The following RNF19B variants were observed in gnomAD, a reference collection of about 807,000 sequenced individuals.
The protein encoded by RNF19B is ring finger protein 19B.
Under a neutral mutation model 65.5 loss-of-function variants are expected in RNF19B, and 23 were observed. The observed-to-expected ratio is 0.35, with a 90% confidence interval of 0.25 to 0.50. The LOEUF (loss-of-function observed/expected upper bound fraction) is 0.50. Ranked by LOEUF, RNF19B falls within the 20% of genes least tolerant of loss-of-function variation. The probability of loss-of-function intolerance (pLI) is 0.98; values close to 1 mark genes in which losing one functional copy is unlikely to be tolerated. For synonymous variants in RNF19B, 372 were observed against 379.6 expected, an observed-to-expected ratio of 0.98 and a Z score of 0.23; for missense variants, 794 against 980.0, an observed-to-expected ratio of 0.81 and a Z score of 2.53.
At position 32,964,044 on chromosome 1, in the gene RNF19B, C is replaced by T; in HGVS notation, c.635+7G>A. 2.7e-6 allele frequency: 4 copies of T among 1,474,452 alleles called. No individual in the cohort carries two copies. Among genetic ancestry groups the T allele is most frequent in the Non-Finnish European group, 3.6e-6 (4 of 1,114,390 alleles). The allele number at this position is 1,474,452 out of a possible 1,614,324, so 91.3% of individuals were successfully genotyped here. On this transcript the variant is annotated splice_region_variant and intron_variant, in intron 1 of 8. Transcript: ENST00000235150. The surrounding 1 kb of genome is among the most constrained non-coding windows in gnomAD (Gnocchi z 6.5). ...CGCCGCCACCCGCGCCACGCCCCCGCGCTCACCCGCAGTCCGGGGCCGGGC... is the reference window on the plus strand; with the variant it reads ...CGCCGCCACCCGCGCCACGCCCCCGTGCTCACCCGCAGTCCGGGGCCGGGC...
rs1642866445 is a variant in RNF19B at position 32,964,682 on chromosome 1, C to A, written c.4G>T (p.Gly2Cys). The A allele has an allele frequency of 1.4e-6, 2 of 1,464,270 alleles. No individual in the cohort carries two copies. The highest frequency in any genetic ancestry group is 2.4e-4 in the Middle Eastern group (1 of 4,232). 90.7% of individuals were successfully genotyped at this position (1,464,270 alleles called of 1,614,324 possible). Residue 2 changes from glycine to cysteine, a missense_variant, in exon 1 of 9, where the codon GGC becomes TGC. Gly to Cys is a radical substitution (Grantham distance 159, BLOSUM62 -3). Coordinates refer to ENST00000235150, the MANE Select transcript of RNF19B (RefSeq NM_001300826.2). The surrounding 1 kb of genome is among the most constrained non-coding windows in gnomAD (Gnocchi z 6.5). Reference sequence around the variant, plus strand: ...GGCGACTCGGAGTCCTTCTCGGAGCCCATGGCCGGCAGAGGCCGAGGAGCC... The same window carrying A: ...GGCGACTCGGAGTCCTTCTCGGAGCACATGGCCGGCAGAGGCCGAGGAGCC... MGSEKDSESPRS... is the reference protein window; with the variant it reads MCSEKDSESPRS...
chr1:32,955,953 G>C (rs1160126927), intron 1 of RNF19B, among the ~76,000 whole-genome samples: 2 of 152,118 alleles, frequency 1.3e-5, no homozygotes, highest in African/African-American at 2.4e-5. Context: ...GACACAGCTG[G>C]GTGCAGTGGC....
At chr1:32,954,286 T>C (rs1465925806) in intron 1 of RNF19B, among the ~76,000 whole-genome samples, 1 of 151,686 alleles carries the variant, frequency 6.6e-6, no homozygotes, top group East Asian at 1.9e-4. Flanking sequence ...TGTAATTTGG[T>C]GCCAAGGAAG....
chr1:32,949,036 G>A (rs1642429472), intron 2 of RNF19B, among the ~76,000 whole-genome samples: 2 of 152,174 alleles, frequency 1.3e-5, no homozygotes, highest in African/African-American at 4.8e-5. Context: ...AAAGTACAAA[G>A]CAATAAATCC....
Position 32,937,128 on chromosome 1 carries a change from C to A in RNF19B, c.1874G>T (p.Ser625Ile). Residue 625 changes from serine to isoleucine, a missense_variant, in exon 9 of 9, where the codon AGT (serine) becomes ATT (isoleucine). Physicochemically the swap from Ser to Ile is moderately radical, Grantham distance 142. Around this residue, in one of 3 missense-constraint regions of RNF19B, gnomAD observed 368 missense variants for 447.3 expected, o/e 0.82. Transcript: ENST00000235150. ...AQMAENEEEG[S>I]GGGGSEEDPP... is the part of the protein sequence containing the mutation. ...ATCCTCTTCACTGCCTCCGCCACCA[C>A]TACCTTCTTCTTCATTCTCTGCCAT... The A allele has an allele frequency of 1.9e-6, 3 of 1,614,224 alleles. No individual in the cohort carries two copies. Among genetic ancestry groups the A allele is most frequent in the Non-Finnish European group, 2.5e-6 (3 of 1,180,046 alleles).
At chr1:32,939,353 A>C (rs1200343836) in intron 7 of RNF19B, among the ~76,000 whole-genome samples, 1 of 152,118 alleles carries the variant, frequency 6.6e-6, no homozygotes, top group Non-Finnish European at 1.5e-5. Flanking sequence ...ACACCCAGCT[A>C]ATTTTTGTAT....
intron 1 of RNF19B, among the ~76,000 whole-genome samples, chr1:32,952,686 G>A (rs977063841): frequency 7.9e-5 from 12 of 151,474 alleles, no homozygotes; most frequent in Non-Finnish European, 1.3e-4. Context: ...AGGTTGCAGT[G>A]AGCAGAGATT....
At chr1:32,935,019 AC>A (rs1448314759), downstream of RNF19B, among the ~76,000 whole-genome samples, 1 of 151,440 alleles carries the variant, frequency 6.6e-6, no homozygotes, top group East Asian at 2.0e-4. Context: ...TTTAGTAGAG[AC>A]GGGGTTTCAC....
Position 32,946,201 on chromosome 1 carries a change from A to C in RNF19B, c.1146+201T>G, listed in dbSNP as rs141531818. Among the ~76,000 whole-genome samples the C allele has an allele frequency of 3.9e-5, 6 of 152,306 alleles. No homozygotes were observed. In the South Asian group the frequency reaches 1.2e-3, roughly 32 times the overall value. ...ATTCTACCTTTAAGTCACTGAGACAAGCCAGGCCCAGGATGTTAATAAGAA... is the reference window on the plus strand; with the variant it reads ...ATTCTACCTTTAAGTCACTGAGACACGCCAGGCCCAGGATGTTAATAAGAA... On this transcript the variant is annotated intron_variant, in intron 4 of 8. Coordinates refer to ENST00000235150, the MANE Select transcript of RNF19B (RefSeq NM_001300826.2).
intron 7 of RNF19B, 29 bp downstream of exon 7, chr1:32,942,223 T>C (rs775650669): frequency 1.3e-6 from 2 of 1,567,470 alleles, no homozygotes; most frequent in Non-Finnish European, 1.8e-6. Flanking sequence ...ATTCTAACCA[T>C]TTCTGTCAGA....
At chr1:32,952,354 G>A (rs898611629) in intron 1 of RNF19B, among the ~76,000 whole-genome samples, 2 of 149,692 alleles carry the variant, frequency 1.3e-5, no homozygotes, top group African/African-American at 2.5e-5. Flanking sequence ...AGCACTTTGG[G>A]AGGCTGAGGC....
At chr1:32,961,717 T>C (rs1642774501) in intron 1 of RNF19B, among the ~76,000 whole-genome samples, 1 of 152,104 alleles carries the variant, frequency 6.6e-6, no homozygotes, top group African/African-American at 2.4e-5. Context: ...TGGAGGATAC[T>C]AACATAATAC....
chr1:32,934,692 A>T (rs1228626914), downstream of RNF19B, among the ~76,000 whole-genome samples: 1 of 152,066 alleles, frequency 6.6e-6, no homozygotes, highest in Non-Finnish European at 1.5e-5. Flanking sequence ...AAATACATAA[A>T]TAAGATCTGA....
At chr1:32,933,347 C>T (rs1324567074), downstream of RNF19B, among the ~76,000 whole-genome samples, 3 of 152,052 alleles carry the variant, frequency 2.0e-5, no homozygotes, top group Non-Finnish European at 1.5e-5. Context: ...CTTTGCCTCC[C>T]GGGTTCACGC....
Position 32,937,102 on chromosome 1 carries a change from G to C in RNF19B, c.1900C>G (p.Pro634Ala), listed in dbSNP as rs370533666. The C allele has an allele frequency of 1.2e-6, 2 of 1,614,170 alleles. No individual in the cohort carries two copies. Reference sequence around the variant, plus strand: ...TCACAGCTTTGGTGTCTGCAGGGGGGATCCTCTTCACTGCCTCCGCCACCA... The same window carrying C: ...TCACAGCTTTGGTGTCTGCAGGGGGCATCCTCTTCACTGCCTCCGCCACCA... Reference protein sequence around the residue: ...GSGGGGSEEDPPCRHQSCEQK... With the variant: ...GSGGGGSEEDAPCRHQSCEQK... Residue 634 changes from proline (P) to alanine (A), a missense_variant, in exon 9 of 9, where the codon CCC becomes GCC. Around this residue, in one of 3 missense-constraint regions of RNF19B, gnomAD observed 368 missense variants for 447.3 expected, o/e 0.82. Coordinates refer to ENST00000235150, the MANE Select transcript of RNF19B (RefSeq NM_001300826.2).
At chr1:32,930,677 G>T in the RNF19B span, among the ~76,000 whole-genome samples, 2 of 152,090 alleles carry the variant, frequency 1.3e-5, no homozygotes, top group Non-Finnish European at 2.9e-5. Flanking sequence ...CAGAGTGCTG[G>T]GATTACAAGC....
At chr1:32,962,318 G>C (rs370053754) in intron 1 of RNF19B, among the ~76,000 whole-genome samples, 4 of 152,096 alleles carry the variant, frequency 2.6e-5, no homozygotes, top group African/African-American at 9.7e-5. Context: ...AACAGTATCT[G>C]TAAAACTTTA....
At chr1:32,947,607 C>A (rs977932078) in intron 3 of RNF19B, among the ~76,000 whole-genome samples, 1 of 149,454 alleles carries the variant, frequency 6.7e-6, no homozygotes, top group Non-Finnish European at 1.5e-5. Context: ...TGCAGTGAGT[C>A]GAGATCGAGC....
chr1:32,936,879 G>T lies in RNF19B; in HGVS notation c.2123C>A (p.Ala708Asp), dbSNP rs1190763546. The stretch of plus-strand genomic sequence containing the variant: ...GGCTAGGGCAGAGAGGTTCATATGG[G>T]CACTTGGGCTCGGTGCACCTTGGGC... The part of the protein sequence containing the change: ...PRAQGAPSPS[A>D]HMNLSALAEG... The change falls in exon 9 of 9, where the codon GCC becomes GAC. Residue 708 changes from alanine to aspartate, a missense_variant. This residue lies in a region of RNF19B where 368 missense variants were observed against 447.3 expected (regional missense o/e 0.82). Coordinates refer to ENST00000235150, the MANE Select transcript of RNF19B (RefSeq NM_001300826.2). 1.2e-6 allele frequency: 2 copies of T among 1,612,938 alleles called. No homozygotes were observed. Among genetic ancestry groups the T allele is most frequent in the Non-Finnish European group, 1.7e-6 (2 of 1,179,318 alleles).
Sources: allele counts gnomAD v4.1 joint callset (sites outside exome capture counted in the v4.1 genomes callset), GRCh38; gene constraint gnomAD v4.1.1; regional missense constraint gnomAD v4.1.1; non-coding constraint Gnocchi (gnomAD v3.1); transcripts MANE v1.5; gene names NCBI Gene and HGNC (gene_info 2026-07-23, HGNC 2026-07-21).